Variants in PLCE1 observed in about 807,000 individuals in gnomAD.
PLCE1 encodes the protein 1-phosphatidylinositol 4,5-bisphosphate phosphodiesterase epsilon-1.
In PLCE1, 119 loss-of-function variants were observed where a neutral mutation model predicts 242.8. The ratio of observed to expected loss-of-function variants is 0.49; its 90% CI spans 0.42 to 0.57. PLCE1 has a LOEUF of 0.57. Among genes scored for constraint, PLCE1 ranks in the 20% least tolerant of loss-of-function variants. The probability of loss-of-function intolerance (pLI) is 0.00; values close to 1 mark genes in which losing one functional copy is unlikely to be tolerated. For synonymous variants in PLCE1, 945 were observed against 1,017.4 expected (o/e 0.93, Z 1.35); for missense variants, 2,441 against 2,788.8 (o/e 0.88, Z 2.81).
chr10:94,139,692 C>A (rs2046894422), intron 3 of PLCE1, among the ~76,000 whole-genome samples: 1 of 152,096 alleles, frequency 6.6e-6, no homozygotes, highest in Admixed American at 6.6e-5. Flanking sequence ...CCAGGAGCTG[C>A]CTTGCCCCCC....
At chr10:94,137,431 G>C (rs78629306) in intron 3 of PLCE1, among the ~76,000 whole-genome samples, 26,895 of 152,104 alleles carry the variant, frequency 0.18, 2,489 homozygotes, top group South Asian at 0.3. Context: ...TGAGATAACT[G>C]ATGGTAATGT....
intron 5 of PLCE1, among the ~76,000 whole-genome samples, chr10:94,230,719 C>T (rs1250972340): frequency 6.6e-6 from 1 of 152,162 alleles, no homozygotes; most frequent in Admixed American, 6.6e-5. Flanking sequence ...AAGTAATCCT[C>T]CCACTTTGGC....
intron 27 of PLCE1, among the ~76,000 whole-genome samples, chr10:94,310,783 A>T (rs1303116654): frequency 3.3e-5 from 5 of 152,116 alleles, no homozygotes; most frequent in Admixed American, 6.6e-5. Context: ...CTCTCTGGCA[A>T]CAGCTGGGTG....
chr10:94,071,864 G>C (rs1422033700), intron 2 of PLCE1, among the ~76,000 whole-genome samples: 1 of 151,808 alleles, frequency 6.6e-6, no homozygotes, highest in Non-Finnish European at 1.5e-5. Context: ...ATTTGGCCCT[G>C]TCCTCTCTCT....
At chr10:94,117,986 T>C (rs2046186073) in intron 2 of PLCE1, among the ~76,000 whole-genome samples, 1 of 152,326 alleles carries the variant, frequency 6.6e-6, no homozygotes, top group Non-Finnish European at 1.5e-5. Context: ...AAAGACCTCT[T>C]TGTTTTGATA....
intron 1 of PLCE1, among the ~76,000 whole-genome samples, chr10:94,022,784 T>C (rs1340802609): frequency 6.6e-6 from 1 of 152,050 alleles, no homozygotes; most frequent in Non-Finnish European, 1.5e-5. Context: ...TTATATGGAA[T>C]GGATTGAAAC....
At chr10:94,320,887 G>GT (rs1454848228) in intron 29 of PLCE1, among the ~76,000 whole-genome samples, 2 of 152,194 alleles carry the variant, frequency 1.3e-5, no homozygotes, top group African/African-American at 4.8e-5. Context: ...TTAAAAGGAT[G>GT]TATTATCCAA....
intron 4 of PLCE1, among the ~76,000 whole-genome samples, chr10:94,226,397 A>G (rs1421140574): frequency 3.3e-5 from 5 of 152,166 alleles, no homozygotes; most frequent in African/African-American, 1.2e-4. Flanking sequence ...AAGACCTTAC[A>G]CACATCCCTG....
intron 22 of PLCE1, among the ~76,000 whole-genome samples, chr10:94,292,438 T>C (rs1012575540): frequency 6.6e-5 from 10 of 152,116 alleles, no homozygotes; most frequent in African/African-American, 2.4e-4. Flanking sequence ...TATTCCAAAA[T>C]CCGAAGAAAT....
At chr10:94,061,386 A>T (rs886650119) in intron 2 of PLCE1, among the ~76,000 whole-genome samples, 7 of 152,236 alleles carry the variant, frequency 4.6e-5, no homozygotes, top group South Asian at 2.1e-4. Context: ...GAATCTGTGG[A>T]TGGGGACTGA....
rs150183729 is a variant in PLCE1, at chr10:94,275,834, CAA to C, written c.4665+2127_4665+2128del. On this transcript the variant is annotated intron_variant, in intron 19 of 32. Transcript: ENST00000371380. ...TGGGCCATAGAGTAAGACCCTGACT[CAA>C]AAAAAAAAAAAATTCTTTAGCACAC... Among the ~76,000 whole-genome samples the C allele has an allele frequency of 7.4e-5, 10 of 135,666 alleles. No individual in the cohort carries two copies. The East Asian group carries it at 1.7e-3, about 23-fold the overall frequency. The allele number at this position is 135,666 out of a possible 152,430, so 89.0% of individuals were successfully genotyped here.
At position 94,049,595 on chromosome 10, in the gene PLCE1, G is replaced by GTCTCTC. The variant is rs539887404; in HGVS notation, c.1206+17346_1206+17347insCTCTCT. Among the ~76,000 whole-genome samples, 595 of 151,366 alleles carry GTCTCTC rather than the reference G, an allele frequency of 3.9e-3. 3 individuals are homozygous for GTCTCTC. The highest frequency in any genetic ancestry group is 0.014 in the African/African-American group (568 of 40,914). On this transcript the variant is annotated intron_variant, in intron 2 of 32. Transcript: ENST00000371380. ...AGTTACCCTGTCTGTCTGTCTGTCT[G>GTCTCTC]TCTGTCTCTCTCTCTCTCTCATAAT...
chr10:94,308,495 TCTAC>T, intron 26 of PLCE1, 82 bp from the exon 27 acceptor site: 1 of 931,006 alleles, frequency 1.1e-6, no homozygotes, highest in Non-Finnish European at 1.8e-6. Flanking sequence ...TTAAGGTCTT[TCTAC>T]CTGTCATTTG....
At chr10:94,114,398 C>G (rs1241298061) in intron 2 of PLCE1, among the ~76,000 whole-genome samples, 1 of 152,192 alleles carries the variant, frequency 6.6e-6, no homozygotes. Flanking sequence ...GGATCTCAGG[C>G]TAACAGTCTG....
At chr10:94,262,113 G>A (rs2051321402) in intron 13 of PLCE1, among the ~76,000 whole-genome samples, 1 of 150,236 alleles carries the variant, frequency 6.7e-6, no homozygotes, top group African/African-American at 2.5e-5. Flanking sequence ...CAACTCTTAT[G>A]CCTCAGCCTC....
intron 1 of PLCE1, among the ~76,000 whole-genome samples, chr10:94,000,440 G>A (rs887894376): frequency 2.0e-5 from 3 of 152,122 alleles, no homozygotes; most frequent in Admixed American, 2.0e-4. Context: ...GGTTTTGTAA[G>A]AATTAAATGA....
At chr10:94,266,197 GA>G (rs1416539451) in intron 16 of PLCE1, among the ~76,000 whole-genome samples, 2 of 152,086 alleles carry the variant, frequency 1.3e-5, no homozygotes, top group Non-Finnish European at 2.9e-5. Flanking sequence ...GGGCCAAAAT[GA>G]AAGTGTTTGT....
intron 4 of PLCE1, among the ~76,000 whole-genome samples, chr10:94,188,236 G>A (rs191078661): frequency 4.6e-5 from 7 of 152,172 alleles, no homozygotes; most frequent in Non-Finnish European, 4.4e-5. Flanking sequence ...TATAAGTAGA[G>A]AGAATAAAAA....
At chr10:94,215,778 C>T (rs1160519502) in intron 4 of PLCE1, among the ~76,000 whole-genome samples, 1 of 152,146 alleles carries the variant, frequency 6.6e-6, no homozygotes, top group Non-Finnish European at 1.5e-5. Context: ...CGAGACAGAG[C>T]AAGGCATGGT....
Sources: gnomAD v4.1 joint callset for allele counts (sites outside exome capture counted in the v4.1 genomes callset) on GRCh38, gnomAD v4.1.1 for gene constraint, MANE v1.5 for transcripts, NCBI Gene and HGNC (gene_info 2026-07-23, HGNC 2026-07-21) for gene names.